The following APLP2 variants were observed in gnomAD, a reference collection of about 807,000 sequenced individuals.
APLP2 encodes CDEI box-binding protein.
A neutral mutation model predicts 89.9 loss-of-function variants in APLP2; 53 were observed. The ratio of observed to expected loss-of-function variants is 0.59; its 90% CI spans 0.47 to 0.74. APLP2 has a LOEUF of 0.74. APLP2 is among the 30% of genes least tolerant of loss of function. The pLI is 0.00. For missense variants in APLP2, 973 were observed against 975.9 expected, an observed-to-expected ratio of 1.00 and a Z score of 0.04; for synonymous variants, 372 against 348.6, an observed-to-expected ratio of 1.07 and a Z score of -0.75.
At chr11:130,077,751 A>C (rs1004886851) in intron 1 of APLP2, among the ~76,000 whole-genome samples, 52 of 152,296 alleles carry the variant, frequency 3.4e-4, no homozygotes, top group Middle Eastern at 3.4e-3. Context: ...TTAGGCTGTT[A>C]TTAGAGTTGT....
At position 130,120,783 on chromosome 11, in the gene APLP2, G is replaced by T; in HGVS notation, c.481G>T (p.Glu161Ter). 6.2e-7 allele frequency: 1 copy of T among 1,613,976 alleles called. No individual in the cohort carries two copies. The highest frequency in any genetic ancestry group is 8.5e-7 in the Non-Finnish European group (1 of 1,179,878). Reference sequence around the variant, plus strand: ...CCACAAAGAGCGGATGGAGGTGTGTGAGAATCACCAGCACTGGCACACGGT... The same window carrying T: ...CCACAAAGAGCGGATGGAGGTGTGTTAGAATCACCAGCACTGGCACACGGT... ...FFHKERMEVCENHQHWHTVVK... is the reference protein window; with the variant it reads ...FFHKERMEVC The change falls in exon 4 of 17, where the codon GAG becomes TAG. Residue 161 changes from glutamate (E) to a stop codon, truncating the protein, a stop_gained. Coordinates refer to ENST00000338167, the MANE Select transcript of APLP2 (RefSeq NM_001142276.2). LOFTEE classifies it high-confidence loss of function.
At chr11:130,070,372 C>T (rs970201720) in intron 1 of APLP2, among the ~76,000 whole-genome samples, 1 of 151,222 alleles carries the variant, frequency 6.6e-6, no homozygotes, top group African/African-American at 2.4e-5. Flanking sequence ...CGCGGCGCCG[C>T]CACCTCCTCC....
chr11:130,070,539 C>T (rs1176446326), intron 1 of APLP2: 1 of 1,273,010 alleles, frequency 7.9e-7, no homozygotes, highest in East Asian at 3.3e-5. Flanking sequence ...CGGCTCCGGG[C>T]CTCCCACCTG....
At chr11:130,137,181 A>C (rs1824396794) in intron 13 of APLP2, 1 of 1,331,564 alleles carries the variant, frequency 7.5e-7, no homozygotes, top group Non-Finnish European at 1.1e-6. Flanking sequence ...TAGAAATTTT[A>C]AAAGAAGCCA....
intron 3 of APLP2, among the ~76,000 whole-genome samples, chr11:130,113,498 G>A (rs1038770197): frequency 3.3e-5 from 5 of 152,126 alleles, no homozygotes; most frequent in East Asian, 1.9e-4. Context: ...GTAACCAGTC[G>A]GTAGAGCTAT....
chr11:130,123,563 T>C lies in APLP2; in HGVS notation c.923-49T>C, dbSNP rs185801556. On this transcript the variant is annotated intron_variant, in intron 6 of 16. Coordinates refer to ENST00000338167, the MANE Select transcript of APLP2 (RefSeq NM_001142276.2). The surrounding 1 kb of genome is among the most constrained non-coding windows in gnomAD (Gnocchi z 4.0). Reference sequence around the variant, plus strand: ...GCCAGCCTGTAGCATTTTGAAGCATTTGACGTCACTGCCTCTGTCCTGCTG... The same window carrying C: ...GCCAGCCTGTAGCATTTTGAAGCATCTGACGTCACTGCCTCTGTCCTGCTG... The C allele has an allele frequency of 4.8e-4, 757 of 1,569,684 alleles. 7 individuals carry two copies. The African/African-American group carries it at 9.4e-3, about 19-fold the overall frequency.
In APLP2 at chr11:130,143,828, C is replaced by A. The variant is rs79490460; in HGVS notation, c.*380C>A. 2 of 182,838 alleles carry A rather than the reference C, an allele frequency of 1.1e-5. No homozygotes were observed. 11.3% of individuals were successfully genotyped at this position (182,838 alleles called of 1,614,324 possible). ...TAGACTTATATGCAGGCTGTCGTTC[C>A]GGTTATGTTGTGTAAGTCAACTCTT... is the stretch of plus-strand genomic sequence containing the variant. On this transcript the variant is annotated 3_prime_UTR_variant, in exon 17 of 17. Coordinates refer to ENST00000338167, the MANE Select transcript of APLP2 (RefSeq NM_001142276.2).
chr11:130,083,558 A>G (rs957306605), intron 1 of APLP2, among the ~76,000 whole-genome samples: 1 of 152,204 alleles, frequency 6.6e-6, no homozygotes, highest in Non-Finnish European at 1.5e-5. Flanking sequence ...TAGATATCCC[A>G]TATAAGGGGA....
intron 1 of APLP2, among the ~76,000 whole-genome samples, chr11:130,090,603 C>T (rs1352864998): frequency 6.6e-6 from 1 of 151,702 alleles, no homozygotes; most frequent in Non-Finnish European, 1.5e-5. Context: ...TCAACAGGAT[C>T]CCAAGGCAGA....
chr11:130,137,160 A>G, intron 13 of APLP2: 1 of 1,121,222 alleles, frequency 8.9e-7, no homozygotes, highest in South Asian at 1.3e-5. Context: ...CATTATAGAG[A>G]AATTCTAAGA....
chr11:130,076,904 G>A (rs1178033860), intron 1 of APLP2, among the ~76,000 whole-genome samples: 7 of 152,216 alleles, frequency 4.6e-5, no homozygotes, highest in Non-Finnish European at 1.0e-4. Flanking sequence ...GAATGGTACT[G>A]CCTCCACAGG....
In APLP2 at chr11:130,110,002, C is replaced by T. The variant is rs114846496; in HGVS notation, c.279+400C>T. 3.0e-3 allele frequency among the ~76,000 whole-genome samples: 457 copies of T among 152,292 alleles called. 4 individuals carry two copies. The highest frequency in any genetic ancestry group is 0.011 in the African/African-American group (440 of 41,560). On this transcript the variant is annotated intron_variant, in intron 2 of 16. Transcript: ENST00000338167. Reference sequence around the variant, plus strand: ...GAGAAAATGATAGGAGATGTTATAACTTGTATTTATTTTTTCTGATAGAGA... The same window carrying T: ...GAGAAAATGATAGGAGATGTTATAATTTGTATTTATTTTTTCTGATAGAGA...
intron 3 of APLP2, among the ~76,000 whole-genome samples, chr11:130,116,388 C>G (rs762742252): frequency 2.0e-5 from 3 of 152,080 alleles, no homozygotes; most frequent in Admixed American, 2.0e-4. Context: ...AATTCCCTCT[C>G]GATGGACATT....
In APLP2 at chr11:130,070,759, G is replaced by A. The variant is rs1459027777; in HGVS notation, c.105+677G>A. The A allele has an allele frequency of 7.1e-6, 10 of 1,416,258 alleles. No individual in the cohort carries two copies. The Admixed American group carries it at 8.3e-5, about 12-fold the overall frequency. 87.7% of individuals were successfully genotyped at this position (1,416,258 alleles called of 1,614,324 possible). On this transcript the variant is annotated intron_variant, in intron 1 of 16. Transcript: ENST00000338167. ...GAAACCCGCTCTGGGTGCGTTGACC[G>A]CTTTCGTGAGGGTTTCAGTGAGTAG...
At chr11:130,105,144 A>G (rs1385640084) in intron 1 of APLP2, among the ~76,000 whole-genome samples, 2 of 152,242 alleles carry the variant, frequency 1.3e-5, no homozygotes, top group Non-Finnish European at 2.9e-5. Context: ...TAGGCGTAGT[A>G]TCTCATGCTT....
intron 6 of APLP2, among the ~76,000 whole-genome samples, chr11:130,122,942 G>C (rs1949989527): frequency 6.6e-6 from 1 of 151,124 alleles, no homozygotes; most frequent in Admixed American, 6.6e-5. Flanking sequence ...AGATGTTTTA[G>C]TTGGGAGGGT....
At chr11:130,135,280 A>G (rs1027925976) in intron 12 of APLP2, among the ~76,000 whole-genome samples, 1 of 152,166 alleles carries the variant, frequency 6.6e-6, no homozygotes, top group Non-Finnish European at 1.5e-5. Context: ...ATGTATATCA[A>G]AGCATTATAT....
Position 130,135,722 on chromosome 11 carries a change from A to T in APLP2, c.1837+7A>T. ...GCCCTACCTGAGAACGAAGGTGTGT[A>T]TGGGCGACGGTGCCACTTCTGGGCA... On this transcript the variant is annotated splice_region_variant and intron_variant, in intron 13 of 16. Transcript: ENST00000338167. 1 of 1,613,836 alleles carries T rather than the reference A, an allele frequency of 6.2e-7. No homozygotes were observed. The highest frequency in any genetic ancestry group is 8.5e-7 in the Non-Finnish European group (1 of 1,179,846).
chr11:130,080,789 C>T (rs1424430809), intron 1 of APLP2, among the ~76,000 whole-genome samples: 3 of 150,682 alleles, frequency 2.0e-5, no homozygotes, highest in Admixed American at 6.6e-5. Flanking sequence ...CTCCGCCTCC[C>T]GGGTTCACGC....
Sources: allele counts gnomAD v4.1 joint callset (sites outside exome capture counted in the v4.1 genomes callset), GRCh38; gene constraint gnomAD v4.1.1; non-coding constraint Gnocchi (gnomAD v3.1); transcripts MANE v1.5; gene names NCBI Gene and HGNC (gene_info 2026-07-23, HGNC 2026-07-21).